Variants in CASK observed in about 807,000 individuals in gnomAD.
The protein encoded by CASK is calcium/calmodulin dependent serine protein kinase.
A neutral mutation model predicts 82.9 loss-of-function variants in CASK; 4 were observed. The observed-to-expected ratio is 0.05, with a 90% CI of 0.02 to 0.11. The LOEUF (loss-of-function observed/expected upper bound fraction) is 0.11. Ranked by LOEUF, CASK falls within the 10% of genes least tolerant of loss-of-function variation. The pLI, the probability that CASK is intolerant of heterozygous loss-of-function variation, is 1.00. For synonymous variants in CASK, 259 were observed against 253.5 expected (o/e 1.02, Z -0.20); for missense variants, 358 against 720.9 (o/e 0.50, Z 5.76).
chrX:41,552,093 A>ATT (rs1218077716), intron 21 of CASK, among the ~76,000 whole-genome samples: 8 of 91,979 alleles, frequency 8.7e-5, no homozygotes, highest in Non-Finnish European at 1.1e-4. Context: ...CACCTGGCTA[A>ATT]TTTTTTTTTT....
At chrX:41,721,984 C>G (rs1242311343) in intron 5 of CASK, among the ~76,000 whole-genome samples, 1 of 112,228 alleles carries the variant, frequency 8.9e-6, no homozygotes, top group Non-Finnish European at 1.9e-5. Flanking sequence ...TCCAGAGACC[C>G]TCAATTAGCT....
At chrX:41,747,166 A>G (rs1337166256) in intron 3 of CASK, among the ~76,000 whole-genome samples, 1 of 111,757 alleles carries the variant, frequency 8.9e-6, no homozygotes, top group African/African-American at 3.3e-5. Context: ...TCACATTTAT[A>G]CAGGCTCTAA....
intron 15 of CASK, 76 bp downstream of exon 15, chrX:41,578,264 G>C: frequency 1.4e-6 from 1 of 737,942 alleles, no homozygotes; most frequent in Non-Finnish European, 2.1e-6. Context: ...ACTCCTAGTA[G>C]CATAGGTTGA....
chrX:41,719,709 A>T (rs1487786433), intron 5 of CASK, among the ~76,000 whole-genome samples: 1 of 111,650 alleles, frequency 9.0e-6, no homozygotes, highest in Admixed American at 9.5e-5. Context: ...CTGGAACGGG[A>T]CCTCGCATTC....
intron 3 of CASK, among the ~76,000 whole-genome samples, chrX:41,779,436 T>C (rs1449720993): frequency 8.9e-6 from 1 of 112,065 alleles, no homozygotes; most frequent in Non-Finnish European, 1.9e-5. Context: ...TAATAAATCA[T>C]AGCTGTGAAT....
At chrX:41,783,562 A>C (rs980623447) in intron 3 of CASK, among the ~76,000 whole-genome samples, 1 of 110,832 alleles carries the variant, frequency 9.0e-6, no homozygotes, top group African/African-American at 3.3e-5. Context: ...AAAAAAAAAA[A>C]AACAAAAGAA....
At chrX:41,830,703 C>T (rs1166267361) in intron 2 of CASK, among the ~76,000 whole-genome samples, 2 of 107,122 alleles carry the variant, frequency 1.9e-5, no homozygotes, top group South Asian at 4.3e-4. Flanking sequence ...GCCTGTAGTC[C>T]CAGCTACTCA....
At chrX:41,538,800 C>T (rs933169920) in intron 22 of CASK, among the ~76,000 whole-genome samples, 1 of 111,785 alleles carries the variant, frequency 8.9e-6, no homozygotes, top group East Asian at 2.8e-4. Context: ...ACTATAAAGA[C>T]CTCCAATTCA....
chrX:41,515,120 C>T lies in CASK; in HGVS notation c.*5300G>A, dbSNP rs1457617898. On this transcript the variant is annotated 3_prime_UTR_variant, in exon 27 of 27. Transcript: ENST00000378163. Reference sequence around the variant, plus strand: ...AGGGTTTCATCAACTTGTACTGTGCCGGCAGCGCACCAGCATTCTGGTTGT... The same window carrying T: ...AGGGTTTCATCAACTTGTACTGTGCTGGCAGCGCACCAGCATTCTGGTTGT... 8.9e-6 allele frequency: 1 copy of T among 112,268 alleles called. No individual in the cohort carries two copies. The highest frequency in any genetic ancestry group is 1.9e-5 in the Non-Finnish European group (1 of 53,275). The allele number at this position is 112,268 out of a possible 1,213,427, so 9.3% of individuals were successfully genotyped here.
At position 41,534,697 on chromosome X, in the gene CASK, A is replaced by G. The variant is rs5964007; in HGVS notation, c.2317+9T>C. ...AAATATAATGAAAAGAGATTGAGAC[A>G]TTGCTTACGTGGAATAGGGTACGCA... On this transcript the variant is annotated intron_variant, in intron 24 of 26. Coordinates refer to ENST00000378163, the MANE Select transcript of CASK (RefSeq NM_001367721.1). The G allele has an allele frequency of 1.6e-4, 186 of 1,169,599 alleles. No homozygotes were observed. In the African/African-American group the frequency reaches 2.6e-3, roughly 16 times the overall value.
At chrX:41,643,114 T>C (rs1301234764) in intron 8 of CASK, among the ~76,000 whole-genome samples, 2 of 111,689 alleles carry the variant, frequency 1.8e-5, no homozygotes, top group Non-Finnish European at 3.8e-5. Flanking sequence ...TATATCTCTG[T>C]TTTGGTACGA....
intron 6 of CASK, 85 bp from the exon 7 acceptor site, chrX:41,665,537 T>A (rs201186583): frequency 2.3e-5 from 8 of 344,597 alleles, no homozygotes; most frequent in Non-Finnish European, 3.2e-5. Flanking sequence ...ACAATAACAA[T>A]CCAAATAAAA....
chrX:41,784,801 AG>A (rs1725640199), intron 3 of CASK, among the ~76,000 whole-genome samples: 1 of 109,468 alleles, frequency 9.1e-6, no homozygotes, highest in Non-Finnish European at 1.9e-5. Context: ...GCTTGAACCC[AG>A]GGGGCGGAGG....
intron 15 of CASK, among the ~76,000 whole-genome samples, chrX:41,572,151 C>T (rs774820842): frequency 2.8e-5 from 3 of 107,587 alleles, no homozygotes; most frequent in South Asian, 4.2e-4. Context: ...GTGGTGCAAT[C>T]ATAGCCCACT....
intron 14 of CASK, among the ~76,000 whole-genome samples, chrX:41,580,834 GC>G (rs2065565056): frequency 8.9e-6 from 1 of 112,239 alleles, no homozygotes; most frequent in Non-Finnish European, 1.9e-5. Flanking sequence ...AGCTGAAATA[GC>G]TGTCAGTTTT....
At chrX:41,740,132 G>A (rs1297962643) in intron 4 of CASK, among the ~76,000 whole-genome samples, 1 of 111,755 alleles carries the variant, frequency 8.9e-6, no homozygotes, top group African/African-American at 3.3e-5. Context: ...TTAAAAAATG[G>A]TAATGGGGTT....
intron 13 of CASK, among the ~76,000 whole-genome samples, chrX:41,588,864 A>G (rs955163593): frequency 9.0e-6 from 1 of 111,545 alleles, no homozygotes; most frequent in African/African-American, 3.3e-5. Context: ...AAGTAGAAAC[A>G]TGGAAATATG....
In CASK at chrX:41,578,344, G is replaced by A. The variant is rs1179435345; in HGVS notation, c.1499C>T (p.Pro500Leu). 3 of 1,196,211 alleles carry A rather than the reference G, an allele frequency of 2.5e-6. No individual in the cohort carries two copies. In the African/African-American group the frequency reaches 5.3e-5, roughly 21 times the overall value. Residue 500 changes from proline (P) to leucine (L), a missense_variant, in exon 15 of 27, where the codon CCA (proline) becomes CTA (leucine). Pro to Leu is a moderately conservative substitution (Grantham distance 98). Around this residue, in one of 5 missense-constraint regions of CASK, gnomAD observed 110 missense variants for 218.8 expected, o/e 0.50. Coordinates refer to ENST00000378163, the MANE Select transcript of CASK (RefSeq NM_001367721.1). ...AAACTTTCTCTTCCTACTTACCATT[G>A]GTTCATCTGTGTTCTTTTGAAACTG... Reference protein sequence around the residue: ...LVQFQKNTDEPMGITLKMNEL... With the variant: ...LVQFQKNTDELMGITLKMNEL...
At chrX:41,710,482 A>G (rs2067954652) in intron 5 of CASK, among the ~76,000 whole-genome samples, 1 of 111,717 alleles carries the variant, frequency 9.0e-6, no homozygotes, top group Non-Finnish European at 1.9e-5. Context: ...TTCCTAAAAG[A>G]CAATGTTTAG....
Sources: allele counts gnomAD v4.1 joint callset (sites outside exome capture counted in the v4.1 genomes callset), GRCh38; gene constraint gnomAD v4.1.1; regional missense constraint gnomAD v4.1.1; transcripts MANE v1.5; gene names NCBI Gene and HGNC (gene_info 2026-07-23, HGNC 2026-07-21).